The following KDM4C variants were observed in gnomAD, a reference collection of about 807,000 sequenced individuals.
KDM4C encodes lysine-specific demethylase 4C.
Under a neutral mutation model 129.3 loss-of-function variants are expected in KDM4C, and 81 were observed. The observed-to-expected ratio is 0.63, with a 90% confidence interval of 0.52 to 0.75. The LOEUF is 0.75. KDM4C is among the 30% of genes least tolerant of loss of function. The pLI, the probability that KDM4C is intolerant of heterozygous loss-of-function variation, is 0.00. For missense variants in KDM4C, 1,457 were observed against 1,304.0 expected, an observed-to-expected ratio of 1.12 and a Z score of -1.81; for synonymous variants, 573 against 456.1, an observed-to-expected ratio of 1.26 and a Z score of -3.26.
chr9:6,965,004 C>G lies in KDM4C; in HGVS notation c.922-15921C>G, dbSNP rs564784303. Among the ~76,000 whole-genome samples, 90 of 151,288 alleles carry G rather than the reference C, an allele frequency of 5.9e-4. 1 individual carries two copies. Among genetic ancestry groups the G allele is most frequent in the Non-Finnish European group, 5.6e-4 (38 of 67,858 alleles). ...ATGCCTAGATTTTTCTCCTACATAA[C>G]CTTTTTACACCCATTTACATTTTTT... On this transcript the variant is annotated intron_variant, in intron 8 of 21. Transcript: ENST00000381309.
intron 8 of KDM4C, among the ~76,000 whole-genome samples, chr9:6,954,504 A>G (rs1828729323): frequency 6.6e-6 from 1 of 152,066 alleles, no homozygotes; most frequent in Non-Finnish European, 1.5e-5. Flanking sequence ...TGATCTTTTT[A>G]TTTGTCTGTT....
At chr9:7,147,603 T>C (rs1180007137) in intron 19 of KDM4C, among the ~76,000 whole-genome samples, 2 of 152,310 alleles carry the variant, frequency 1.3e-5, no homozygotes, top group Non-Finnish European at 2.9e-5. Context: ...GGAGCTTTTT[T>C]CCCCGTGTTT....
intron 1 of KDM4C, among the ~76,000 whole-genome samples, chr9:6,736,564 G>A (rs529440014): frequency 2.7e-4 from 41 of 152,178 alleles, no homozygotes; most frequent in Middle Eastern, 3.4e-3. Flanking sequence ...AGTTGGCAGC[G>A]TCCATGTGGT....
intron 5 of KDM4C, among the ~76,000 whole-genome samples, chr9:6,870,238 A>G (rs1563732116): frequency 6.6e-6 from 1 of 152,110 alleles, no homozygotes; most frequent in Non-Finnish European, 1.5e-5. Flanking sequence ...TTTATTTAAA[A>G]TGCCATTGTC....
intron 17 of KDM4C, among the ~76,000 whole-genome samples, chr9:7,071,204 A>G (rs368374454): frequency 1.3e-5 from 2 of 152,214 alleles, no homozygotes; most frequent in South Asian, 2.1e-4. Context: ...ATTGGAAGAC[A>G]CATTGTTGTT....
At chr9:7,129,014 G>T (rs1005973929) in intron 19 of KDM4C, among the ~76,000 whole-genome samples, 3 of 152,162 alleles carry the variant, frequency 2.0e-5, no homozygotes, top group Admixed American at 2.0e-4. Context: ...TGACTGAGAG[G>T]AGAGTGAGTT....
chr9:7,111,743 C>T (rs10815519), intron 18 of KDM4C, among the ~76,000 whole-genome samples: 57,989 of 151,960 alleles, frequency 0.38, 11,354 homozygotes, highest in East Asian at 0.46. Flanking sequence ...GAAGTTGAAG[C>T]TGGTGAAGTA....
At chr9:7,073,267 T>C (rs1384591855) in intron 17 of KDM4C, among the ~76,000 whole-genome samples, 1 of 152,242 alleles carries the variant, frequency 6.6e-6, no homozygotes, top group Non-Finnish European at 1.5e-5. Context: ...TATTACAGTT[T>C]CTATTGCTTT....
intron 8 of KDM4C, among the ~76,000 whole-genome samples, chr9:6,901,015 C>T (rs1043410128): frequency 9.9e-5 from 15 of 151,298 alleles, no homozygotes; most frequent in African/African-American, 3.4e-4. Flanking sequence ...CATATTTTTT[C>T]AGTGTTTATA....
chr9:7,069,609 C>T (rs1832922958), intron 17 of KDM4C, among the ~76,000 whole-genome samples: 1 of 152,178 alleles, frequency 6.6e-6, no homozygotes, highest in Non-Finnish European at 1.5e-5. Context: ...CTCTCAATTT[C>T]CTCTATTGGT....
At chr9:7,136,186 C>T (rs1053651761) in intron 19 of KDM4C, among the ~76,000 whole-genome samples, 4 of 152,176 alleles carry the variant, frequency 2.6e-5, no homozygotes, top group African/African-American at 7.2e-5. Context: ...CATAATGTCC[C>T]ATTTTATAGT....
intron 5 of KDM4C, among the ~76,000 whole-genome samples, chr9:6,852,506 A>C (rs1161555224): frequency 6.6e-6 from 1 of 152,186 alleles, no homozygotes; most frequent in African/African-American, 2.4e-5. Context: ...TGACAAAACG[A>C]GAGGATGAAG....
chr9:6,887,352 C>T (rs1333635923), intron 6 of KDM4C, among the ~76,000 whole-genome samples: 1 of 152,222 alleles, frequency 6.6e-6, no homozygotes, highest in African/African-American at 2.4e-5. Flanking sequence ...TTAACTTCCT[C>T]ATTTAAAAGC....
intron 8 of KDM4C, among the ~76,000 whole-genome samples, chr9:6,949,807 G>C (rs1040144426): frequency 8.5e-5 from 13 of 152,320 alleles, no homozygotes; most frequent in Admixed American, 5.9e-4. Flanking sequence ...GTCCAGCTTC[G>C]GCTCGGCATC....
intron 4 of KDM4C, chr9:6,834,367 T>A: frequency 3.2e-6 from 1 of 317,218 alleles, no homozygotes; most frequent in African/African-American, 2.2e-5. Flanking sequence ...TTAAAAATCA[T>A]CTTGTTGGCC....
At chr9:7,023,337 G>A (rs960051572) in intron 15 of KDM4C, among the ~76,000 whole-genome samples, 1 of 151,974 alleles carries the variant, frequency 6.6e-6, no homozygotes, top group Non-Finnish European at 1.5e-5. Flanking sequence ...GTCTGTTTGG[G>A]TTTTGGATTT....
intron 8 of KDM4C, among the ~76,000 whole-genome samples, chr9:6,921,166 C>G (rs1821432765): frequency 6.6e-6 from 1 of 152,040 alleles, no homozygotes; most frequent in African/African-American, 2.4e-5. Context: ...GTTTCATTTT[C>G]TTGTCTACAC....
intron 17 of KDM4C, among the ~76,000 whole-genome samples, chr9:7,094,624 C>G (rs774197312): frequency 6.6e-6 from 1 of 152,124 alleles, no homozygotes; most frequent in African/African-American, 2.4e-5. Flanking sequence ...AGTGTCCATG[C>G]GGAGGAACCC....
intron 15 of KDM4C, among the ~76,000 whole-genome samples, chr9:7,031,409 C>T (rs955264063): frequency 3.2e-4 from 48 of 152,220 alleles, no homozygotes; most frequent in African/African-American, 1.1e-3. Flanking sequence ...GGTCTGCCTG[C>T]CTTGGCCTCC....
Sources: gnomAD v4.1 joint callset for allele counts (sites outside exome capture counted in the v4.1 genomes callset) on GRCh38, gnomAD v4.1.1 for gene constraint, MANE v1.5 for transcripts, NCBI Gene and HGNC (gene_info 2026-07-23, HGNC 2026-07-21) for gene names.